Variants in ATP9A observed in about 807,000 individuals in gnomAD.
ATP9A encodes ATPase phospholipid transporting 9A, also known as probable phospholipid-transporting ATPase IIA.
Under a neutral mutation model 144.1 loss-of-function variants are expected in ATP9A, and 52 were observed. That is an observed-to-expected ratio of 0.36 (90% CI 0.29 to 0.45). ATP9A has a LOEUF of 0.45. ATP9A is among the 20% of genes least tolerant of loss of function. ATP9A has a pLI of 1.00. For missense variants in ATP9A, 947 were observed against 1,392.7 expected, an observed-to-expected ratio of 0.68 and a Z score of 5.09; for synonymous variants, 582 against 557.4, an observed-to-expected ratio of 1.04 and a Z score of -0.62.
Position 51,671,226 on chromosome 20 carries a change from C to G in ATP9A, c.1069G>C (p.Val357Leu). ...TCCCTTCGAATCACCCAGCTGTACACGATCTTGCCCATGTCCAGGTTCACA... is the reference window on the plus strand; with the variant it reads ...TCCCTTCGAATCACCCAGCTGTACAGGATCTTGCCCATGTCCAGGTTCACA... ...LRVNLDMGKI[V>L]YSWVIRRDSK... The change falls in exon 12 of 28, where the codon GTG becomes CTG. Residue 357 changes from valine (V) to leucine (L), a missense_variant. Val to Leu is a conservative substitution (Grantham distance 32, BLOSUM62 1). This residue lies in a region of ATP9A where 770 missense variants were observed against 1,047.9 expected (regional missense o/e 0.73). Coordinates refer to ENST00000338821, the MANE Select transcript of ATP9A (RefSeq NM_006045.3). The G allele has an allele frequency of 6.2e-7, 1 of 1,614,020 alleles. No homozygotes were observed. Among genetic ancestry groups the G allele is most frequent in the Non-Finnish European group, 8.5e-7 (1 of 1,179,888 alleles).
Position 51,607,553 on chromosome 20 carries a change from A to C in ATP9A, c.2777T>G (p.Ile926Arg). 1 of 1,613,408 alleles carries C rather than the reference A, an allele frequency of 6.2e-7. No homozygotes were observed. The highest frequency in any genetic ancestry group is 1.1e-5 in the South Asian group (1 of 90,946). ...TTGATAGATGCTAATCAAAACCCAT[A>C]TTAAGAATGTCTTGTAGGACAACGG... is the stretch of plus-strand genomic sequence containing the variant. ...GRPLSYKTFL[I>R]WVLISIYQGS... The change falls in exon 26 of 28, where the codon ATA (isoleucine) becomes AGA (arginine). Residue 926 changes from isoleucine (I) to arginine (R), a missense_variant. Ile to Arg is a moderately conservative substitution (Grantham distance 97, BLOSUM62 -3). Around this residue, in one of 2 missense-constraint regions of ATP9A, gnomAD observed 177 missense variants for 344.9 expected, o/e 0.51. Transcript: ENST00000338821.
chr20:51,649,967 C>T (rs1460647141), intron 14 of ATP9A, among the ~76,000 whole-genome samples: 1 of 149,212 alleles, frequency 6.7e-6, no homozygotes, highest in African/African-American at 2.5e-5. Context: ...ACAAGTTAAA[C>T]ATGGCCAGCA....
chr20:51,662,924 A>G (rs2077416887), intron 13 of ATP9A, among the ~76,000 whole-genome samples: 1 of 151,940 alleles, frequency 6.6e-6, no homozygotes. Context: ...TACAAAAATT[A>G]GCTGGCATGG....
At chr20:51,675,560 C>T (rs1422731868) in intron 10 of ATP9A, among the ~76,000 whole-genome samples, 1 of 152,108 alleles carries the variant, frequency 6.6e-6, no homozygotes, top group African/African-American at 2.4e-5. Flanking sequence ...GCGTGCAAAC[C>T]GTACGTGCTC....
At chr20:51,768,276 G>T in intron 1 of ATP9A, 26 bp downstream of exon 1, 1 of 1,249,708 alleles carries the variant, frequency 8.0e-7, no homozygotes, top group Non-Finnish European at 1.0e-6. Context: ...GCGGACAAAG[G>T]AAAACACGGG....
intron 15 of ATP9A, among the ~76,000 whole-genome samples, chr20:51,630,242 C>G (rs991004830): frequency 2.0e-5 from 3 of 152,222 alleles, no homozygotes; most frequent in Non-Finnish European, 4.4e-5. Flanking sequence ...ATCCTTCCCC[C>G]ATTTTCCCCC....
chr20:51,626,445 T>C (rs552063450), intron 17 of ATP9A, among the ~76,000 whole-genome samples: 3 of 150,388 alleles, frequency 2.0e-5, no homozygotes, highest in South Asian at 4.2e-4. Flanking sequence ...GCAGAGATCG[T>C]GCCATTGGCA....
At chr20:51,602,404 T>C (rs2077146850) in intron 27 of ATP9A, among the ~76,000 whole-genome samples, 1 of 152,186 alleles carries the variant, frequency 6.6e-6, no homozygotes, top group Non-Finnish European at 1.5e-5. Context: ...GACCCGGTCC[T>C]GTGGTGTGTC....
intron 13 of ATP9A, among the ~76,000 whole-genome samples, chr20:51,669,342 T>C (rs906399386): frequency 1.3e-5 from 2 of 152,226 alleles, no homozygotes; most frequent in African/African-American, 4.8e-5. Flanking sequence ...TTGCCAGTAA[T>C]ACTTTCTCTG....
In ATP9A at chr20:51,598,285, T is replaced by C. The variant is rs534142683; in HGVS notation, c.*2926A>G. On this transcript the variant is annotated 3_prime_UTR_variant, in exon 28 of 28. Transcript: ENST00000338821. The stretch of plus-strand genomic sequence containing the variant: ...TCATCAAAAGACATATGAACAATAA[T>C]AAAATAGTAATAGAAGTTCTTACTC... 7.2e-5 allele frequency: 11 copies of C among 152,136 alleles called. No individual in the cohort carries two copies. Among genetic ancestry groups the C allele is most frequent in the African/African-American group, 2.7e-4 (11 of 41,500 alleles). The allele number at this position is 152,136 out of a possible 1,614,324, so 9.4% of individuals were successfully genotyped here.
chr20:51,700,853 A>G (rs1195049681), intron 4 of ATP9A, among the ~76,000 whole-genome samples: 1 of 152,106 alleles, frequency 6.6e-6, no homozygotes, highest in East Asian at 1.9e-4. Flanking sequence ...ACAGAGAGGG[A>G]GCGAAAGAAA....
intron 23 of ATP9A, 59 bp downstream of exon 23, chr20:51,613,618 C>A: frequency 6.6e-7 from 1 of 1,512,120 alleles, no homozygotes; most frequent in South Asian, 1.3e-5. Context: ...AGCAGCTGCC[C>A]ACCCACCTAC....
chr20:51,753,692 A>G (rs1398906659), intron 1 of ATP9A, among the ~76,000 whole-genome samples: 1 of 141,684 alleles, frequency 7.1e-6, no homozygotes, highest in African/African-American at 2.7e-5. Context: ...AATGAGACTG[A>G]GCCTCGCTCT....
rs60505207 is a variant in ATP9A at position 51,682,577 on chromosome 20, C to CTTT, written c.800-6372_800-6370dup. 3.4e-4 allele frequency among the ~76,000 whole-genome samples: 12 copies of CTTT among 35,084 alleles called. 1 individual carries two copies. The highest frequency in any genetic ancestry group is 1.3e-3 in the Admixed American group (3 of 2,336). The allele number at this position is 35,084 out of a possible 152,430, so 23.0% of individuals were successfully genotyped here. The stretch of plus-strand genomic sequence containing the variant: ...TAAAGTGTGTTGCTTTTCACTGTAT[C>CTTT]TTTTTTTTTTTTTTTTTTTTTTTTT... On this transcript the variant is annotated intron_variant, in intron 9 of 27. Coordinates refer to ENST00000338821, the MANE Select transcript of ATP9A (RefSeq NM_006045.3).
At chr20:51,730,130 G>C in intron 1 of ATP9A, 152 bp from the exon 2 acceptor site, 5 of 920,230 alleles carry the variant, frequency 5.4e-6, no homozygotes, top group Non-Finnish European at 7.4e-6. Context: ...AGTGAAACAA[G>C]AAAACAGAGC....
intron 18 of ATP9A, among the ~76,000 whole-genome samples, chr20:51,623,801 A>AAAAAAAAAG (rs558189054): frequency 1.4e-4 from 19 of 133,376 alleles, no homozygotes; most frequent in Non-Finnish European, 2.3e-4. Flanking sequence ...AAAAAAAAAA[A>AAAAAAAAAG]AAAGAAAGAA....
intron 13 of ATP9A, among the ~76,000 whole-genome samples, chr20:51,669,096 C>T (rs543916466): frequency 1.3e-5 from 2 of 152,176 alleles, no homozygotes; most frequent in African/African-American, 2.4e-5. Flanking sequence ...GCTGGTCTAA[C>T]GCGGTCTGGC....
chr20:51,697,261 G>GT (rs1040395117), intron 5 of ATP9A, among the ~76,000 whole-genome samples, 163 bp downstream of exon 5: 3 of 151,968 alleles, frequency 2.0e-5, no homozygotes, highest in African/African-American at 7.2e-5. Context: ...CTGTGTGTGT[G>GT]TGTGTCTGTC....
At chr20:51,746,160 A>G (rs1432233431) in intron 1 of ATP9A, among the ~76,000 whole-genome samples, 1 of 152,174 alleles carries the variant, frequency 6.6e-6, no homozygotes, top group African/African-American at 2.4e-5. Flanking sequence ...GGAAGAAGAG[A>G]CACTGGGGGT....
Sources: gnomAD v4.1 joint callset for allele counts (sites outside exome capture counted in the v4.1 genomes callset) on GRCh38, gnomAD v4.1.1 for gene constraint, gnomAD v4.1.1 regional missense constraint, MANE v1.5 for transcripts, NCBI Gene and HGNC (gene_info 2026-07-23, HGNC 2026-07-21) for gene names.